The following NUFIP2 variants were observed in gnomAD, a reference collection of about 807,000 sequenced individuals.
The protein encoded by NUFIP2 is nuclear FMR1 interacting protein 2.
In NUFIP2, 6 loss-of-function variants were observed where a neutral mutation model predicts 56.9. The ratio of observed to expected loss-of-function variants is 0.11; its 90% CI spans 0.06 to 0.21. The LOEUF (loss-of-function observed/expected upper bound fraction) is 0.21. NUFIP2 is among the 10% of genes least tolerant of loss of function. The probability of loss-of-function intolerance (pLI) is 1.00; values close to 1 mark genes in which losing one functional copy is unlikely to be tolerated. For synonymous variants in NUFIP2, 321 were observed against 298.2 expected, an observed-to-expected ratio of 1.08 and a Z score of -0.79; for missense variants, 828 against 826.8, an observed-to-expected ratio of 1.00 and a Z score of -0.02.
intron 2 of NUFIP2, among the ~76,000 whole-genome samples, chr17:29,283,326 C>A (rs2069151357): frequency 6.6e-6 from 1 of 152,126 alleles, no homozygotes; most frequent in Non-Finnish European, 1.5e-5. Context: ...CCTAATGGAA[C>A]ATATCCTACA....
chr17:29,271,537 A>C (rs2069072424), intron 2 of NUFIP2, among the ~76,000 whole-genome samples: 1 of 139,110 alleles, frequency 7.2e-6, no homozygotes, highest in Non-Finnish European at 1.5e-5. Context: ...ACTCCGTCTC[A>C]AAAAAAAAAA....
intron 2 of NUFIP2, among the ~76,000 whole-genome samples, chr17:29,276,084 G>C (rs1183828996): frequency 1.3e-5 from 2 of 149,344 alleles, no homozygotes; most frequent in African/African-American, 5.0e-5. Flanking sequence ...ACTTTTCAAT[G>C]GATTCTCACT....
intron 1 of NUFIP2, among the ~76,000 whole-genome samples, chr17:29,292,987 G>A (rs1327107800): frequency 1.3e-5 from 2 of 150,756 alleles, no homozygotes. Flanking sequence ...GCCGCCCCGT[G>A]TGGCCCTCGA....
At chr17:29,290,239 A>T (rs886130218) in intron 1 of NUFIP2, among the ~76,000 whole-genome samples, 1 of 152,166 alleles carries the variant, frequency 6.6e-6, no homozygotes, top group African/African-American at 2.4e-5. Context: ...TTACATTTTT[A>T]AAAATTTTTT....
chr17:29,275,535 G>A (rs2034997124), intron 2 of NUFIP2, among the ~76,000 whole-genome samples: 1 of 152,118 alleles, frequency 6.6e-6, no homozygotes, highest in Non-Finnish European at 1.5e-5. Context: ...GTTCAACTCT[G>A]GTAAATCTTA....
chr17:29,288,190 CCCA>C (rs571462754), intron 1 of NUFIP2, among the ~76,000 whole-genome samples: 2 of 152,202 alleles, frequency 1.3e-5, no homozygotes, highest in Non-Finnish European at 2.9e-5. Context: ...ACTACAGGCG[CCCA>C]CCACCACGCT....
In NUFIP2 at chr17:29,264,044, C is replaced by G. The variant is rs2069019331; in HGVS notation, c.*495G>C. On this transcript the variant is annotated 3_prime_UTR_variant, in exon 4 of 4. Transcript: ENST00000225388. ...TTAATTAAAGTAAAACCAAAAAGAT[C>G]AAGGGAGGAGTGGGGGGAAAATGTT... 1 of 152,534 alleles carries G rather than the reference C, an allele frequency of 6.6e-6. No homozygotes were observed. Among genetic ancestry groups the G allele is most frequent in the South Asian group, 2.1e-4 (1 of 4,820 alleles). The allele number at this position is 152,534 out of a possible 1,614,324, so 9.4% of individuals were successfully genotyped here. A position where few individuals can be genotyped will look rare whatever the true frequency, so the allele number is the denominator to read the frequency against.
Position 29,264,528 on chromosome 17 carries a change from A to T in NUFIP2, c.*11T>A. 1 of 1,597,584 alleles carries T rather than the reference A, an allele frequency of 6.3e-7. No homozygotes were observed. Among genetic ancestry groups the T allele is most frequent in the Non-Finnish European group, 8.6e-7 (1 of 1,165,438 alleles). On this transcript the variant is annotated 3_prime_UTR_variant, in exon 4 of 4. Transcript: ENST00000225388. ...TGCTGCAGAAAGGTTACGAATAGGCAGTCTGGTCCTTCATTGATCTGGACT... is the reference window on the plus strand; with the variant it reads ...TGCTGCAGAAAGGTTACGAATAGGCTGTCTGGTCCTTCATTGATCTGGACT...
intron 2 of NUFIP2, among the ~76,000 whole-genome samples, chr17:29,281,607 G>C (rs886834858): frequency 6.7e-6 from 1 of 150,064 alleles, no homozygotes; most frequent in East Asian, 2.0e-4. Context: ...AAGGAGGAGA[G>C]CTTCAGCCCA....
intron 2 of NUFIP2, among the ~76,000 whole-genome samples, chr17:29,281,212 T>C (rs1238707889): frequency 2.6e-5 from 4 of 151,966 alleles, no homozygotes; most frequent in Non-Finnish European, 5.9e-5. Context: ...TCCCAGCTAC[T>C]AGGGAGGCTG....
intron 1 of NUFIP2, among the ~76,000 whole-genome samples, chr17:29,289,691 A>G (rs886476817): frequency 2.6e-5 from 4 of 152,348 alleles, no homozygotes; most frequent in South Asian, 2.1e-4. Flanking sequence ...TGCCATTTTT[A>G]TAAGTCTGAG....
Position 29,255,840 on chromosome 17 carries a change from A to G in NUFIP2, c.*8699T>C, listed in dbSNP as rs1412787617. 1 of 152,242 alleles carries G rather than the reference A, an allele frequency of 6.6e-6. No individual in the cohort carries two copies. The highest frequency in any genetic ancestry group is 1.5e-5 in the Non-Finnish European group (1 of 68,046). 9.4% of individuals were successfully genotyped at this position (152,242 alleles called of 1,614,324 possible). On this transcript the variant is annotated 3_prime_UTR_variant, in exon 4 of 4. Transcript: ENST00000225388. Reference sequence around the variant, plus strand: ...ACACAAAAGATAACAAACACCTCAGAAACTTTAAAATTTTTTATTCAACAA... The same window carrying G: ...ACACAAAAGATAACAAACACCTCAGGAACTTTAAAATTTTTTATTCAACAA...
chr17:29,256,874 G>A lies in NUFIP2; in HGVS notation c.*7665C>T, dbSNP rs1045277500. On this transcript the variant is annotated 3_prime_UTR_variant, in exon 4 of 4. Coordinates refer to ENST00000225388, the MANE Select transcript of NUFIP2 (RefSeq NM_020772.3). ...TTATCTTTAAAACAACCAGTGCTTTGATCTTACAAACAACTGAATAATTCT... is the reference window on the plus strand; with the variant it reads ...TTATCTTTAAAACAACCAGTGCTTTAATCTTACAAACAACTGAATAATTCT... 5 of 152,094 alleles carry A rather than the reference G, an allele frequency of 3.3e-5. No homozygotes were observed. Among genetic ancestry groups the A allele is most frequent in the Non-Finnish European group, 7.4e-5 (5 of 68,000 alleles). The allele number at this position is 152,094 out of a possible 1,614,324, so 9.4% of individuals were successfully genotyped here. A position where few individuals can be genotyped will look rare whatever the true frequency, so the allele number is the denominator to read the frequency against.
rs920370130 is a variant in NUFIP2, at chr17:29,276,491, C to T, written c.2003-8961G>A. Among the ~76,000 whole-genome samples the T allele has an allele frequency of 3.9e-5, 6 of 152,056 alleles. No homozygotes were observed. The South Asian group carries it at 8.3e-4, about 21-fold the overall frequency. On this transcript the variant is annotated intron_variant, in intron 2 of 3. Coordinates refer to ENST00000225388, the MANE Select transcript of NUFIP2 (RefSeq NM_020772.3). The stretch of plus-strand genomic sequence containing the variant: ...GGGACTACAGGCACGCGCCACCATG[C>T]CTGGCTAATTTTTGTATATTGTTTT...
intron 2 of NUFIP2, among the ~76,000 whole-genome samples, chr17:29,272,240 CTTTTT>C (rs750900881): frequency 3.0e-5 from 4 of 133,138 alleles, no homozygotes; most frequent in African/African-American, 8.2e-5. Flanking sequence ...GAAATGTGTT[CTTTTT>C]TTTTTTTTTT....
chr17:29,292,708 C>G (rs1343404756), intron 1 of NUFIP2, among the ~76,000 whole-genome samples: 1 of 149,218 alleles, frequency 6.7e-6, no homozygotes, highest in African/African-American at 2.4e-5. Context: ...CGACTGCCCG[C>G]GCCTCCCGCC....
chr17:29,289,782 G>A (rs1413032273), intron 1 of NUFIP2, among the ~76,000 whole-genome samples: 3 of 152,030 alleles, frequency 2.0e-5, no homozygotes, highest in Non-Finnish European at 4.4e-5. Context: ...AGAAAAAAAA[G>A]TACAAATACT....
intron 2 of NUFIP2, among the ~76,000 whole-genome samples, chr17:29,268,142 G>A (rs934487538): frequency 6.6e-5 from 10 of 152,058 alleles, no homozygotes; most frequent in African/African-American, 1.7e-4. Flanking sequence ...CAGGTGATCC[G>A]CCCACCTCGG....
intron 1 of NUFIP2, among the ~76,000 whole-genome samples, chr17:29,293,166 T>C (rs1172703214): frequency 6.6e-6 from 1 of 150,394 alleles, no homozygotes; most frequent in African/African-American, 2.5e-5. Flanking sequence ...GGGACAAGAC[T>C]GCGGGGTCCG....
Sources: gnomAD v4.1 joint callset for allele counts (sites outside exome capture counted in the v4.1 genomes callset) on GRCh38, gnomAD v4.1.1 for gene constraint, MANE v1.5 for transcripts, NCBI Gene and HGNC (gene_info 2026-07-23, HGNC 2026-07-21) for gene names.